The following HEXB variants were observed in gnomAD, a reference collection of about 807,000 sequenced individuals.
The protein encoded by HEXB is beta-hexosaminidase subunit beta.
Under a neutral mutation model 71.2 loss-of-function variants are expected in HEXB, and 51 were observed. That is an observed-to-expected ratio of 0.72 (90% CI 0.57 to 0.90). The LOEUF (loss-of-function observed/expected upper bound fraction) is 0.90. HEXB is among the 40% of genes least tolerant of loss of function. The pLI, the probability that HEXB is intolerant of heterozygous loss-of-function variation, is 0.00. For missense variants in HEXB, 617 were observed against 677.0 expected, an observed-to-expected ratio of 0.91 and a Z score of 0.98; for synonymous variants, 266 against 249.3, an observed-to-expected ratio of 1.07 and a Z score of -0.63.
At chr5:74,663,664 G>A (rs912455725) in intron 1 of HEXB, among the ~76,000 whole-genome samples, 27 of 152,154 alleles carry the variant, frequency 1.8e-4, no homozygotes, top group African/African-American at 6.0e-4. Flanking sequence ...TTCAAAGTCA[G>A]GCAGAATTAT....
At chr5:74,692,821 T>C (rs1682746521) in intron 2 of HEXB, among the ~76,000 whole-genome samples, 1 of 152,206 alleles carries the variant, frequency 6.6e-6, no homozygotes, top group Admixed American at 6.5e-5. Flanking sequence ...CCCTTTAGCT[T>C]TCAATCTCTT....
chr5:74,699,381 T>C (rs999566749), intron 5 of HEXB, among the ~76,000 whole-genome samples: 1 of 150,740 alleles, frequency 6.6e-6, no homozygotes, highest in Non-Finnish European at 1.5e-5. Flanking sequence ...TTCAAGCAAT[T>C]CTCTTGCCTC....
At chr5:74,657,330 G>T (rs1187623221) in intron 1 of HEXB, among the ~76,000 whole-genome samples, 5 of 152,260 alleles carry the variant, frequency 3.3e-5, no homozygotes, top group Non-Finnish European at 5.9e-5. Context: ...GGCACTTACT[G>T]TTCTTCTGCC....
At chr5:74,678,403 A>G (rs1462511552) in intron 1 of HEXB, among the ~76,000 whole-genome samples, 1 of 152,046 alleles carries the variant, frequency 6.6e-6, no homozygotes, top group Admixed American at 6.5e-5. Flanking sequence ...AACAGAACAG[A>G]ATAAAGAGCC....
At chr5:74,678,529 GA>G (rs35540313) in intron 1 of HEXB, among the ~76,000 whole-genome samples, 17 of 149,160 alleles carry the variant, frequency 1.1e-4, no homozygotes, top group Non-Finnish European at 8.9e-5. Flanking sequence ...AGCCATTTGG[GA>G]AAAAAAAAGC....
chr5:74,698,107 C>T (rs535938405), intron 5 of HEXB, among the ~76,000 whole-genome samples: 26 of 151,550 alleles, frequency 1.7e-4, no homozygotes, highest in Middle Eastern at 3.4e-3. Context: ...AACGGAGTTT[C>T]GCTCTTGTTG....
At chr5:74,685,888 T>C (rs1457479344) in intron 1 of HEXB, among the ~76,000 whole-genome samples, 1 of 152,056 alleles carries the variant, frequency 6.6e-6, no homozygotes, top group Non-Finnish European at 1.5e-5. Context: ...AGCTCCTTAT[T>C]TGAAGGACGT....
intron 11 of HEXB, among the ~76,000 whole-genome samples, chr5:74,719,475 T>C (rs1464113545): frequency 6.6e-6 from 1 of 152,268 alleles, no homozygotes; most frequent in African/African-American, 2.4e-5. Context: ...TCAGATCCCC[T>C]TCATAAAAAA....
chr5:74,642,063 G>GA (rs1747906364), intron 1 of HEXB, among the ~76,000 whole-genome samples: 1 of 151,874 alleles, frequency 6.6e-6, no homozygotes, highest in East Asian at 1.9e-4. Context: ...TGGCTAAGGA[G>GA]GCCCCACATG....
chr5:74,712,099 C>T (rs1300403246), intron 6 of HEXB, among the ~76,000 whole-genome samples: 2 of 142,752 alleles, frequency 1.4e-5, no homozygotes, highest in South Asian at 2.2e-4. Flanking sequence ...TACTATGCAG[C>T]CATAAAAAAT....
rs775204159 is a variant in HEXB, at chr5:74,715,572, A to G, written c.964A>G (p.Ile322Val). The G allele has an allele frequency of 1.9e-6, 3 of 1,612,360 alleles. No homozygotes were observed. The highest frequency in any genetic ancestry group is 2.2e-5 in the South Asian group (2 of 91,056). ...AAACAAGTTGGACTCTTTTGGACCT[A>G]TAAACCCTACTCTGAATACAACATA... The part of the protein sequence containing the change: ...RQNKLDSFGP[I>V]NPTLNTTYSF... The change falls in exon 8 of 14, where the codon ATA becomes GTA. Residue 322 changes from isoleucine to valine, a missense_variant. By Grantham distance (29) the Ile-to-Val change is conservative. Coordinates refer to ENST00000261416, the MANE Select transcript of HEXB (RefSeq NM_000521.4).
chr5:74,658,228 T>G (rs1441718304), intron 1 of HEXB, among the ~76,000 whole-genome samples: 1 of 152,178 alleles, frequency 6.6e-6, no homozygotes, highest in Non-Finnish European at 1.5e-5. Context: ...GCAACTGCAT[T>G]TGAAGGCTGG....
chr5:74,695,660 G>A (rs1749096772), intron 3 of HEXB, among the ~76,000 whole-genome samples: 1 of 151,190 alleles, frequency 6.6e-6, no homozygotes, highest in African/African-American at 2.4e-5. Flanking sequence ...GGTCAACACA[G>A]TGAAATCCCA....
At chr5:74,662,942 G>C (rs187536132) in intron 1 of HEXB, among the ~76,000 whole-genome samples, 9 of 152,256 alleles carry the variant, frequency 5.9e-5, no homozygotes, top group African/African-American at 1.9e-4. Context: ...TCCAACTCAG[G>C]CTTTTTGAAG....
intron 3 of HEXB, among the ~76,000 whole-genome samples, 172 bp downstream of exon 3, chr5:74,693,876 G>A (rs114398862): frequency 3.5e-3 from 538 of 152,224 alleles, no homozygotes; most frequent in African/African-American, 0.012. Flanking sequence ...GCATGGGAGA[G>A]GTCAGCACAG....
At chr5:74,694,875 C>T (rs1749077443) in intron 3 of HEXB, among the ~76,000 whole-genome samples, 1 of 151,886 alleles carries the variant, frequency 6.6e-6, no homozygotes, top group Non-Finnish European at 1.5e-5. Flanking sequence ...GAGGGTGAGG[C>T]AGGAGAATTG....
intron 1 of HEXB, among the ~76,000 whole-genome samples, chr5:74,647,923 A>C (rs1291009887): frequency 6.6e-6 from 1 of 152,176 alleles, no homozygotes; most frequent in East Asian, 1.9e-4. Context: ...TTTCATTGTG[A>C]TCTTACAGTG....
intron 9 of HEXB, among the ~76,000 whole-genome samples, chr5:74,717,766 C>T (rs989449902): frequency 6.6e-6 from 1 of 152,090 alleles, no homozygotes; most frequent in Non-Finnish European, 1.5e-5. Context: ...TATGCTGTAC[C>T]ATTTATTTGG....
chr5:74,719,401 TGAG>T (rs1256735231), intron 11 of HEXB, among the ~76,000 whole-genome samples: 1 of 152,162 alleles, frequency 6.6e-6, no homozygotes, highest in African/African-American at 2.4e-5. Flanking sequence ...CTTAGGATTC[TGAG>T]GAGTAGAATC....
Sources: allele counts gnomAD v4.1 joint callset (sites outside exome capture counted in the v4.1 genomes callset), GRCh38; gene constraint gnomAD v4.1.1; transcripts MANE v1.5; gene names NCBI Gene and HGNC (gene_info 2026-07-23, HGNC 2026-07-21).